Variants in DAP3 observed in about 807,000 individuals in gnomAD.
DAP3 encodes death associated protein 3.
A neutral mutation model predicts 51.9 loss-of-function variants in DAP3; 28 were observed. The ratio of observed to expected loss-of-function variants is 0.54; its 90% CI spans 0.40 to 0.74. The LOEUF (loss-of-function observed/expected upper bound fraction) is 0.74. DAP3 is among the 30% of genes least tolerant of loss of function. DAP3 has a pLI of 0.00. For missense variants in DAP3, 458 were observed against 483.5 expected (o/e 0.95, Z 0.49); for synonymous variants, 170 against 170.3 (o/e 1.00, Z 0.01).
intron 1 of DAP3, among the ~76,000 whole-genome samples, chr1:155,698,926 G>T (rs1257495703): frequency 6.6e-6 from 1 of 152,080 alleles, no homozygotes; most frequent in Non-Finnish European, 1.5e-5. Flanking sequence ...CATTTCACAC[G>T]CTTGAGCATG....
chr1:155,694,987 A>G (rs1052426762), intron 1 of DAP3, among the ~76,000 whole-genome samples: 3 of 152,154 alleles, frequency 2.0e-5, no homozygotes, highest in Non-Finnish European at 4.4e-5. Flanking sequence ...TTTTTATGTA[A>G]TTGCATTTTT....
At chr1:155,737,142 T>C (rs1659892760) in intron 12 of DAP3, 79 bp downstream of exon 12, 1 of 996,140 alleles carries the variant, frequency 1.0e-6, no homozygotes, top group Non-Finnish European at 1.6e-6. Flanking sequence ...GATCTCTTCT[T>C]CCCTTAACAA....
intron 1 of DAP3, among the ~76,000 whole-genome samples, chr1:155,690,532 CCT>C (rs1042232584): frequency 3.5e-5 from 5 of 140,990 alleles, no homozygotes; most frequent in Non-Finnish European, 7.4e-5. Flanking sequence ...AGAGCGAGAC[CCT>C]GTCTCAAAAA....
Position 155,717,026 on chromosome 1 carries a change from A to G in DAP3, c.66A>G (p.Leu22=). ...TATAGTTGGACCCTGGGCGTTTTTT[A>G]CACATGGGGACCCAGGCTCGCCAAA... ...RIHKLDPGRF[L]HMGTQARQSI... Residue 22 remains leucine, a synonymous_variant, in exon 3 of 13, where the codon TTA becomes TTG. Coordinates refer to ENST00000368336, the MANE Select transcript of DAP3 (RefSeq NM_004632.4). 6.2e-7 allele frequency: 1 copy of G among 1,612,872 alleles called. No individual in the cohort carries two copies. Among genetic ancestry groups the G allele is most frequent in the Non-Finnish European group, 8.5e-7 (1 of 1,179,582 alleles).
chr1:155,720,852 C>T (rs1333585262), intron 3 of DAP3, among the ~76,000 whole-genome samples: 1 of 151,932 alleles, frequency 6.6e-6, no homozygotes, highest in Non-Finnish European at 1.5e-5. Context: ...TCCTGGTCAA[C>T]ATGGTGAAAT....
chr1:155,732,186 G>T, intron 11 of DAP3, 153 bp downstream of exon 11: 2 of 543,284 alleles, frequency 3.7e-6, no homozygotes. Context: ...ATATTAACTT[G>T]ATCATCATTG....
chr1:155,695,322 A>G (rs1654369852), intron 1 of DAP3, among the ~76,000 whole-genome samples: 1 of 152,170 alleles, frequency 6.6e-6, no homozygotes, highest in African/African-American at 2.4e-5. Context: ...TTAGGTGCCA[A>G]CCCTCGAGGG....
At position 155,727,578 on chromosome 1, in the gene DAP3, C is replaced by T. The variant is rs934453648; in HGVS notation, c.473-30C>T. 6.9e-6 allele frequency: 11 copies of T among 1,603,444 alleles called. No homozygotes were observed. The African/African-American group carries it at 1.2e-4, about 18-fold the overall frequency. ...CGAGTTGAATACAGTTTCTGCCTGG[C>T]TTGTTTTCTTCTGCCTCTTTTTTTT... On this transcript the variant is annotated intron_variant, in intron 6 of 12. Transcript: ENST00000368336.
intron 4 of DAP3, among the ~76,000 whole-genome samples, chr1:155,722,529 A>G (rs773940071): frequency 6.6e-6 from 1 of 152,126 alleles, no homozygotes; most frequent in Non-Finnish European, 1.5e-5. Context: ...CAGCTGGGCA[A>G]TATAATGAGA....
Position 155,725,963 on chromosome 1 carries a change from G to A in DAP3, c.416G>A (p.Cys139Tyr). The change falls in exon 6 of 13, where the codon TGC (cysteine) becomes TAC (tyrosine). Residue 139 changes from cysteine (C) to tyrosine (Y), a missense_variant. Cys to Tyr is a radical substitution (Grantham distance 194, BLOSUM62 -2). Transcript: ENST00000368336. Reference protein sequence around the residue: ...EKGTGKTLSLCHVIHFCAKQD... With the variant: ...EKGTGKTLSLYHVIHFCAKQD... The stretch of plus-strand genomic sequence containing the variant: ...GGAACAGGAAAAACCCTAAGTCTTT[G>A]CCATGTTATTCATTTCTGTGCAAAA... 1 of 1,614,088 alleles carries A rather than the reference G, an allele frequency of 6.2e-7. No individual in the cohort carries two copies.
intron 9 of DAP3, among the ~76,000 whole-genome samples, chr1:155,730,462 A>T (rs1216869634): frequency 1.3e-5 from 2 of 151,956 alleles, no homozygotes; most frequent in Middle Eastern, 6.8e-3. Context: ...AATATAAAAA[A>T]CTAGCTGGGC....
rs1478655302 is a variant in DAP3 at position 155,714,751 on chromosome 1, G to A, written c.46-2255G>A. ...GCCTGGGCGACAAGAGTGAGACTCC[G>A]TCTCAAAAAAAAAGAAAAACAAAAG... On this transcript the variant is annotated intron_variant, in intron 2 of 12. Transcript: ENST00000368336. 4.6e-5 allele frequency among the ~76,000 whole-genome samples: 7 copies of A among 151,170 alleles called. No homozygotes were observed. The East Asian group carries it at 1.4e-3, about 30-fold the overall frequency.
chr1:155,731,879 A>G lies in DAP3; in HGVS notation c.904-65A>G, dbSNP rs1659272924. On this transcript the variant is annotated intron_variant, in intron 10 of 12. Transcript: ENST00000368336. ...CAAGAAAGAAAAAAAAAATCTACAG[A>G]TGATTAATGCAGTTTTCCATCCTTT... The G allele has an allele frequency of 2.0e-6, 3 of 1,474,736 alleles. No individual in the cohort carries two copies. In the African/African-American group the frequency reaches 4.3e-5, roughly 21 times the overall value. The allele number at this position is 1,474,736 out of a possible 1,614,324, so 91.4% of individuals were successfully genotyped here. A position where few individuals can be genotyped will look rare whatever the true frequency, so the allele number is the denominator to read the frequency against.
At chr1:155,727,544 AGAATATTTCGAGTT>A in intron 6 of DAP3, 50 bp from the exon 7 acceptor site, 1 of 1,563,252 alleles carries the variant, frequency 6.4e-7, no homozygotes, top group Non-Finnish European at 8.7e-7. Context: ...AAAGAGGCAT[AGAATATTTCGAGTT>A]GAATACAGTT....
Position 155,709,841 on chromosome 1 carries a change from C to A in DAP3, c.45+17C>A. ...ATCCATAAGGTGAGTCCTGACTGACCTGAACACTCTGTGCATACTGCCTTT... is the reference window on the plus strand; with the variant it reads ...ATCCATAAGGTGAGTCCTGACTGACATGAACACTCTGTGCATACTGCCTTT... On this transcript the variant is annotated intron_variant, in intron 2 of 12. Coordinates refer to ENST00000368336, the MANE Select transcript of DAP3 (RefSeq NM_004632.4). The A allele has an allele frequency of 1.2e-6, 2 of 1,612,016 alleles. No homozygotes were observed. The highest frequency in any genetic ancestry group is 8.5e-7 in the Non-Finnish European group (1 of 1,178,774).
At chr1:155,710,555 C>A (rs967769155) in intron 2 of DAP3, 10 of 152,054 alleles carry the variant, frequency 6.6e-5, no homozygotes, top group Non-Finnish European at 1.0e-4. Context: ...ATGGCAGGTA[C>A]TCAGAATTCT....
intron 12 of DAP3, 84 bp downstream of exon 12, chr1:155,737,147 TAAC>T (rs1165546946): frequency 1.1e-6 from 1 of 941,494 alleles, no homozygotes; most frequent in Non-Finnish European, 1.7e-6. Context: ...CTTCTTCCCT[TAAC>T]AACAGCCTCT....
In DAP3 at chr1:155,709,847, ACT is replaced by A. The variant is rs775220162; in HGVS notation, c.45+26_45+27del. ...AAGGTGAGTCCTGACTGACCTGAAC[ACT>A]CTGTGCATACTGCCTTTAGGTTCCC... On this transcript the variant is annotated intron_variant, in intron 2 of 12. Transcript: ENST00000368336. The A allele has an allele frequency of 1.1e-5, 18 of 1,608,932 alleles. No homozygotes were observed. In the Middle Eastern group the frequency reaches 5.0e-4, roughly 44 times the overall value.
chr1:155,704,731 A>G (rs1655728985), intron 1 of DAP3, among the ~76,000 whole-genome samples: 1 of 152,094 alleles, frequency 6.6e-6, no homozygotes, highest in Admixed American at 6.6e-5. Flanking sequence ...TGTAATCCCA[A>G]TACTTTGGGG....
Sources: gnomAD v4.1 joint callset for allele counts (sites outside exome capture counted in the v4.1 genomes callset) on GRCh38, gnomAD v4.1.1 for gene constraint, MANE v1.5 for transcripts, NCBI Gene and HGNC (gene_info 2026-07-23, HGNC 2026-07-21) for gene names.